The following NUDT18 variants were observed in gnomAD, a reference collection of about 807,000 sequenced individuals.
NUDT18 encodes the protein 8-oxo-dGDP phosphatase NUDT18.
Under a neutral mutation model 27.6 loss-of-function variants are expected in NUDT18, and 26 were observed. The ratio of observed to expected loss-of-function variants is 0.94; its 90% CI spans 0.69 to 1.31. The LOEUF (loss-of-function observed/expected upper bound fraction) is 1.31, where lower values mean the gene tolerates loss of function less well. NUDT18 is among the 50% of genes most tolerant of loss of function. NUDT18 has a pLI of 0.00. For synonymous variants in NUDT18, 220 were observed against 196.9 expected, an observed-to-expected ratio of 1.12 and a Z score of -0.98; for missense variants, 450 against 433.4, an observed-to-expected ratio of 1.04 and a Z score of -0.34.
chr8:22,108,343 C>T lies in NUDT18; in HGVS notation c.166G>A (p.Glu56Lys), dbSNP rs1446432056. The change falls in exon 2 of 3, where the codon GAG becomes AAG. Residue 56 changes from glutamate to lysine, a missense_variant. Glu to Lys is a moderately conservative substitution (Grantham distance 56). Coordinates refer to ENST00000611621, the MANE Select transcript of NUDT18 (RefSeq NM_024815.4). ...VLAVFLSEQD[E>K]VLLIQEAKRE... is the part of the protein sequence containing the mutation. The stretch of plus-strand genomic sequence containing the variant: ...TTGGCCTCCTGGATCAGTAGCACCT[C>T]ATCCTGAGAGGAGAGAGGATCCTCA... 1.3e-6 allele frequency: 2 copies of T among 1,569,900 alleles called. No individual in the cohort carries two copies. Among genetic ancestry groups the T allele is most frequent in the East Asian group, 4.7e-5 (2 of 42,330 alleles).
In NUDT18 at chr8:22,109,396, G is replaced by T; in HGVS notation, c.-96C>A. The T allele has an allele frequency of 8.5e-7, 1 of 1,174,196 alleles. No homozygotes were observed. The highest frequency in any genetic ancestry group is 1.1e-6 in the Non-Finnish European group (1 of 905,592). The allele number at this position is 1,174,196 out of a possible 1,614,324, so 72.7% of individuals were successfully genotyped here. A position where few individuals can be genotyped will look rare whatever the true frequency, so the allele number is the denominator to read the frequency against. On this transcript the variant is annotated 5_prime_UTR_variant, in exon 1 of 3. Coordinates refer to ENST00000611621, the MANE Select transcript of NUDT18 (RefSeq NM_024815.4). ...TGCGGAGCCCGCTCCCAGTCCCTGC[G>T]GCAGCGGGCCGGGAGCTCACGAGAA...
upstream of NUDT18, among the ~76,000 whole-genome samples, chr8:22,110,192 G>C (rs548925342): frequency 6.6e-6 from 1 of 152,322 alleles, no homozygotes; most frequent in South Asian, 2.1e-4. Flanking sequence ...TGCAGATGGT[G>C]CGCCCTGGGA....
intron 2 of NUDT18, 79 bp from the exon 3 acceptor site, chr8:22,107,974 C>A: frequency 7.2e-7 from 1 of 1,390,334 alleles, no homozygotes; most frequent in Non-Finnish European, 9.6e-7. Flanking sequence ...ACAGACATCC[C>A]TGACCCAGGA....
chr8:22,108,427 C>G, intron 1 of NUDT18, 81 bp from the exon 2 acceptor site: 2 of 1,257,706 alleles, frequency 1.6e-6, no homozygotes, highest in South Asian at 1.3e-5. Context: ...CACAGTCGCC[C>G]AAGACTCCCC....
In NUDT18 at chr8:22,109,263, A is replaced by G. The variant is rs1457327433; in HGVS notation, c.38T>C (p.Val13Ala). Residue 13 changes from valine to alanine, a missense_variant, in exon 1 of 3, where the codon GTG (valine) becomes GCG (alanine). Coordinates refer to ENST00000611621, the MANE Select transcript of NUDT18 (RefSeq NM_024815.4). ...CACGCTGGACCCCTGGCCAGCCAGC[A>G]CGGAAGCCAGCGCCCCCGCCAGGCC... ...SEGLAGALAS[V>A]LAGQGSSVHS... 2 of 1,402,426 alleles carry G rather than the reference A, an allele frequency of 1.4e-6. No homozygotes were observed. Among genetic ancestry groups the G allele is most frequent in the African/African-American group, 1.5e-5 (1 of 65,600 alleles). The allele number at this position is 1,402,426 out of a possible 1,614,324, so 86.9% of individuals were successfully genotyped here.
Position 22,108,358 on chromosome 8 carries a change from G to A in NUDT18, c.163-12C>T, listed in dbSNP as rs980711207. On this transcript the variant is annotated splice_polypyrimidine_tract_variant and intron_variant, in intron 1 of 2. Transcript: ENST00000611621. ...AGTAGCACCTCATCCTGAGAGGAGAGAGGATCCTCACTTCCTGCCACAGCC... is the reference window on the plus strand; with the variant it reads ...AGTAGCACCTCATCCTGAGAGGAGAAAGGATCCTCACTTCCTGCCACAGCC... The A allele has an allele frequency of 3.2e-6, 5 of 1,555,972 alleles. No homozygotes were observed. Among genetic ancestry groups the A allele is most frequent in the African/African-American group, 1.4e-5 (1 of 73,136 alleles).
upstream of NUDT18, among the ~76,000 whole-genome samples, chr8:22,110,141 C>T (rs953746816): frequency 1.3e-5 from 2 of 152,226 alleles, no homozygotes; most frequent in African/African-American, 2.4e-5. Context: ...CAGTGTCCCT[C>T]TGCCTACCGC....
In NUDT18 at chr8:22,109,399, A is replaced by AGTCCCTGCGGAGACC; in HGVS notation, c.-100_-99insGGTCTCCGCAGGGAC. The AGTCCCTGCGGAGACC allele has an allele frequency of 2.3e-5, 7 of 301,106 alleles. No individual in the cohort carries two copies. Among genetic ancestry groups the AGTCCCTGCGGAGACC allele is most frequent in the Non-Finnish European group, 3.2e-5 (7 of 220,650 alleles). 18.7% of individuals were successfully genotyped at this position (301,106 alleles called of 1,614,324 possible). ...GGAGCCCGCTCCCAGTCCCTGCGGC[A>AGTCCCTGCGGAGACC]GCGGGCCGGGAGCTCACGAGAACGC... is the stretch of plus-strand genomic sequence containing the variant. On this transcript the variant is annotated 5_prime_UTR_variant, in exon 1 of 3. Transcript: ENST00000611621.
At position 22,109,385 on chromosome 8, in the gene NUDT18, C is replaced by CCAGTCCCTGCGGAGACCGCTCG; in HGVS notation, c.-86_-85insCGAGCGGTCTCCGCAGGGACTG. On this transcript the variant is annotated 5_prime_UTR_variant, in exon 1 of 3. Coordinates refer to ENST00000611621, the MANE Select transcript of NUDT18 (RefSeq NM_024815.4). ...CTAGAGTGCGCTGCGGAGCCCGCTCCCAGTCCCTGCGGCAGCGGGCCGGGA... is the reference window on the plus strand; with the variant it reads ...CTAGAGTGCGCTGCGGAGCCCGCTCCCAGTCCCTGCGGAGACCGCTCGCAGTCCCTGCGGCAGCGGGCCGGGA... 2 of 1,291,322 alleles carry CCAGTCCCTGCGGAGACCGCTCG rather than the reference C, an allele frequency of 1.5e-6. No homozygotes were observed. The highest frequency in any genetic ancestry group is 1.6e-5 in the African/African-American group (1 of 64,014). The allele number at this position is 1,291,322 out of a possible 1,614,324, so 80.0% of individuals were successfully genotyped here. A position where few individuals can be genotyped will look rare whatever the true frequency, so the allele number is the denominator to read the frequency against.
At chr8:22,108,038 A>G (rs1826397778) in intron 2 of NUDT18, 95 bp downstream of exon 2, 2 of 1,376,852 alleles carry the variant, frequency 1.5e-6, no homozygotes, top group Non-Finnish European at 1.9e-6. Context: ...TGTGCCAGCC[A>G]TAACAGGACT....
At position 22,107,902 on chromosome 8, in the gene NUDT18, G is replaced by A; in HGVS notation, c.377-7C>T. ...GAAGTCTTGAGAATTCCACCTGGGG[G>A]AGATGTGGGGGATGGGGCAGGGAGG... On this transcript the variant is annotated splice_region_variant and splice_polypyrimidine_tract_variant and intron_variant, in intron 2 of 2. Transcript: ENST00000611621. 1 of 1,563,398 alleles carries A rather than the reference G, an allele frequency of 6.4e-7. No individual in the cohort carries two copies. The highest frequency in any genetic ancestry group is 8.7e-7 in the Non-Finnish European group (1 of 1,151,634).
intron 1 of NUDT18, 111 bp downstream of exon 1, chr8:22,109,028 T>C (rs1826416715): frequency 2.4e-6 from 2 of 825,164 alleles, no homozygotes; most frequent in Middle Eastern, 3.9e-4. Flanking sequence ...TTTGCAAAAC[T>C]GGGAAGCGCC....
At chr8:22,108,391 G>T (rs1230014320) in intron 1 of NUDT18, 45 bp from the exon 2 acceptor site, 3 of 1,506,596 alleles carry the variant, frequency 2.0e-6, no homozygotes, top group Non-Finnish European at 1.8e-6. Flanking sequence ...GCCTTCCCTC[G>T]CCCCGGGACC....
In NUDT18 at chr8:22,107,171, C is replaced by T; in HGVS notation, c.*129G>A. On this transcript the variant is annotated 3_prime_UTR_variant, in exon 3 of 3. Coordinates refer to ENST00000611621, the MANE Select transcript of NUDT18 (RefSeq NM_024815.4). The stretch of plus-strand genomic sequence containing the variant: ...TCCTCAAAGCATCTCTCCTGGGGAC[C>T]AGGAGAGCCGCCCCTGCTCCCAATG... The T allele has an allele frequency of 7.4e-6, 5 of 678,684 alleles. No homozygotes were observed. Among genetic ancestry groups the T allele is most frequent in the Non-Finnish European group, 1.2e-5 (5 of 402,008 alleles). 42.0% of individuals were successfully genotyped at this position (678,684 alleles called of 1,614,324 possible).
upstream of NUDT18, among the ~76,000 whole-genome samples, chr8:22,110,454 G>A (rs1424190614): frequency 6.6e-6 from 1 of 152,248 alleles, no homozygotes; most frequent in Admixed American, 6.5e-5. Context: ...AGTTTTGTGC[G>A]CCTCCCTGCT....
rs1414982612 is a variant in NUDT18, at chr8:22,109,355, G to T, written c.-55C>A. 6 of 1,329,568 alleles carry T rather than the reference G, an allele frequency of 4.5e-6. No individual in the cohort carries two copies. The highest frequency in any genetic ancestry group is 4.8e-6 in the Non-Finnish European group (5 of 1,043,656). 82.4% of individuals were successfully genotyped at this position (1,329,568 alleles called of 1,614,324 possible). A position where few individuals can be genotyped will look rare whatever the true frequency, so the allele number is the denominator to read the frequency against. On this transcript the variant is annotated 5_prime_UTR_variant, in exon 1 of 3. Coordinates refer to ENST00000611621, the MANE Select transcript of NUDT18 (RefSeq NM_024815.4). ...CCTCGCAGACCGACTGAGCCGAGCCGCGGGCTAGAGTGCGCTGCGGAGCCC... is the reference window on the plus strand; with the variant it reads ...CCTCGCAGACCGACTGAGCCGAGCCTCGGGCTAGAGTGCGCTGCGGAGCCC...
chr8:22,108,700 T>C (rs563474110), intron 1 of NUDT18, among the ~76,000 whole-genome samples: 1 of 152,342 alleles, frequency 6.6e-6, no homozygotes, highest in Admixed American at 6.5e-5. Context: ...CGGCGTGGTT[T>C]ACAAACTGTG....
chr8:22,109,803 TC>T (rs1370443828), upstream of NUDT18: 1 of 452,856 alleles, frequency 2.2e-6, no homozygotes, highest in African/African-American at 2.0e-5. Context: ...GGAACCACTG[TC>T]CCGCTGTTGC....
Position 22,108,140 on chromosome 8 carries a change from G to A in NUDT18, c.369C>T (p.Arg123=), listed in dbSNP as rs1826399449. ...CCTCCAGGTGGGCCATACCTGTGGG[G>A]CGAGCGAGGAACACGAAGCGGACCC... The part of the protein sequence containing the change: ...PSWVRFVFLA[R]PTGGILKTSK... The change falls in exon 2 of 3, where the codon CGC becomes CGT. Residue 123 remains arginine, a synonymous_variant. Transcript: ENST00000611621. 1 of 1,523,150 alleles carries A rather than the reference G, an allele frequency of 6.6e-7. No homozygotes were observed. Among genetic ancestry groups the A allele is most frequent in the South Asian group, 1.3e-5 (1 of 77,120 alleles). The allele number at this position is 1,523,150 out of a possible 1,614,324, so 94.4% of individuals were successfully genotyped here.
Sources: gnomAD v4.1 joint callset for allele counts (sites outside exome capture counted in the v4.1 genomes callset) on GRCh38, gnomAD v4.1.1 for gene constraint, MANE v1.5 for transcripts, NCBI Gene and HGNC (gene_info 2026-07-23, HGNC 2026-07-21) for gene names.